Variants in DMBT1 observed in about 807,000 individuals in gnomAD.
The protein encoded by DMBT1 is deleted in malignant brain tumors 1, also known as scavenger receptor cysteine-rich domain-containing protein DMBT1.
A neutral mutation model predicts 252.9 loss-of-function variants in DMBT1; 198 were observed. That is an observed-to-expected ratio of 0.78 (90% CI 0.70 to 0.88). The LOEUF is 0.88. Among genes scored for constraint, DMBT1 ranks in the 40% least tolerant of loss-of-function variants. DMBT1 has a pLI of 0.00. For synonymous variants in DMBT1, 990 were observed against 942.7 expected (o/e 1.05, Z -0.92); for missense variants, 2,432 against 2,404.7 (o/e 1.01, Z -0.24).
intron 8 of DMBT1, among the ~76,000 whole-genome samples, chr10:122,578,458 G>C (rs991053883): frequency 6.6e-6 from 1 of 152,134 alleles, no homozygotes; most frequent in Non-Finnish European, 1.5e-5. Flanking sequence ...AGTGGATGGT[G>C]GGGGATGGGG....
In DMBT1 at chr10:122,572,133, C is replaced by T. The variant is rs575157370; in HGVS notation, c.188-181C>T. Among the ~76,000 whole-genome samples, 131 of 152,290 alleles carry T rather than the reference C, an allele frequency of 8.6e-4. 3 individuals carry two copies. In the South Asian group the frequency reaches 0.027, roughly 31 times the overall value. On this transcript the variant is annotated intron_variant, in intron 4 of 55. Coordinates refer to ENST00000338354, the MANE Select transcript of DMBT1 (RefSeq NM_001377530.1). Reference sequence around the variant, plus strand: ...AGAACAAAGGATGCTTGTGCGGCACCTTGGCCCAGCGTGGGACCAGTACAG... The same window carrying T: ...AGAACAAAGGATGCTTGTGCGGCACTTTGGCCCAGCGTGGGACCAGTACAG...
chr10:122,625,476 C>T (rs1283566301), intron 45 of DMBT1, among the ~76,000 whole-genome samples, 173 bp downstream of exon 45: 1 of 152,220 alleles, frequency 6.6e-6, no homozygotes, highest in African/African-American at 2.4e-5. Flanking sequence ...ACTCTCATGT[C>T]TGGTTCACCG....
chr10:122,567,276 T>C (rs2981771), intron 2 of DMBT1, among the ~76,000 whole-genome samples: 101,705 of 151,838 alleles, frequency 0.67, 34,414 homozygotes, highest in East Asian at 0.77. Context: ...CGCATTGCCC[T>C]GCTGCACCTC....
At chr10:122,575,188 A>T (rs2097701403) in intron 6 of DMBT1, among the ~76,000 whole-genome samples, 1 of 152,250 alleles carries the variant, frequency 6.6e-6, no homozygotes, top group Admixed American at 6.5e-5. Flanking sequence ...TCAATGTTGT[A>T]CTGGAGGTAG....
rs772201984 is a variant in DMBT1, at chr10:122,601,019, A to T, written c.3339A>T (p.Thr1113=). 2.2e-5 allele frequency: 21 copies of T among 971,046 alleles called. No homozygotes were observed. The highest frequency in any genetic ancestry group is 2.9e-5 in the Non-Finnish European group (18 of 620,550). 60.2% of individuals were successfully genotyped at this position (971,046 alleles called of 1,614,324 possible). A position where few individuals can be genotyped will look rare whatever the true frequency, so the allele number is the denominator to read the frequency against. The change falls in exon 28 of 56, where the codon ACA becomes ACT. Residue 1113 remains threonine (T), a synonymous_variant. Transcript: ENST00000338354. ...PDTWPTSHAS[T]AGSESSLALR... is the part of the protein sequence containing the mutation. The stretch of plus-strand genomic sequence containing the variant: ...CTTGGCCAACCTCACATGCATCAAC[A>T]GCAGGTAAATAATCCTCTCACCCCT...
chr10:122,579,428 C>T (rs551902683), intron 9 of DMBT1, 150 bp from the exon 10 acceptor site: 43 of 1,507,058 alleles, frequency 2.9e-5, no homozygotes, highest in Middle Eastern at 2.5e-4. Flanking sequence ...GCTACTTTCA[C>T]GGTGATGAAG....
chr10:122,590,330 G>A (rs2097839816), intron 17 of DMBT1, among the ~76,000 whole-genome samples: 1 of 149,100 alleles, frequency 6.7e-6, no homozygotes, highest in Admixed American at 6.6e-5. Flanking sequence ...GGCTGGGCTA[G>A]AAGATCACAG....
rs763688822 is a variant in DMBT1, at chr10:122,621,301, C to T, written c.5529C>T (p.Ser1843=). ...LDDVRCSGNE[S]YLWSCPHKGW... Reference sequence around the variant, plus strand: ...ATGTGCGCTGCTCAGGGAATGAGTCCTACCTGTGGAGCTGCCCCCACAAAG... The same window carrying T: ...ATGTGCGCTGCTCAGGGAATGAGTCTTACCTGTGGAGCTGCCCCCACAAAG... The change falls in exon 44 of 56, where the codon TCC becomes TCT. Residue 1843 remains serine, a synonymous_variant. Coordinates refer to ENST00000338354, the MANE Select transcript of DMBT1 (RefSeq NM_001377530.1). 4.3e-5 allele frequency: 70 copies of T among 1,613,702 alleles called. No homozygotes were observed. The highest frequency in any genetic ancestry group is 2.7e-4 in the Admixed American group (16 of 60,000).
At chr10:122,572,515 C>T (rs529487566) in intron 5 of DMBT1, among the ~76,000 whole-genome samples, 154 bp downstream of exon 5, 34 of 152,188 alleles carry the variant, frequency 2.2e-4, no homozygotes, top group Non-Finnish European at 3.5e-4. Context: ...TGTGTATGTG[C>T]AACTCTGAGT....
Position 122,594,196 on chromosome 10 carries a change from C to G in DMBT1, c.2531-300C>G, listed in dbSNP as rs1417041364. On this transcript the variant is annotated intron_variant, in intron 21 of 55. Coordinates refer to ENST00000338354, the MANE Select transcript of DMBT1 (RefSeq NM_001377530.1). Reference sequence around the variant, plus strand: ...AGTGTCCGAGCCTCAGCAATGGCGTCTGATGTCCTAGTCAGTCCATGCATC... The same window carrying G: ...AGTGTCCGAGCCTCAGCAATGGCGTGTGATGTCCTAGTCAGTCCATGCATC... Among the ~76,000 whole-genome samples, 3 of 141,350 alleles carry G rather than the reference C, an allele frequency of 2.1e-5. 1 individual carries two copies. The highest frequency in any genetic ancestry group is 4.8e-5 in the Non-Finnish European group (3 of 62,866). 92.7% of individuals were successfully genotyped at this position (141,350 alleles called of 152,430 possible). A position where few individuals can be genotyped will look rare whatever the true frequency, so the allele number is the denominator to read the frequency against.
chr10:122,634,449 TCTCTCTCTCTCTCTC>T (rs2098205903), intron 52 of DMBT1, among the ~76,000 whole-genome samples: 2 of 74,386 alleles, frequency 2.7e-5, no homozygotes, highest in Non-Finnish European at 4.7e-5. Context: ...TCTCTCTCTC[TCTCTCTCTCTCTCTC>T]TCTCTCTCTC....
chr10:122,632,003 C>G (rs913633763), intron 50 of DMBT1, 128 bp downstream of exon 50: 5 of 1,080,268 alleles, frequency 4.6e-6, no homozygotes, highest in Non-Finnish European at 5.6e-6. Context: ...TCTACAGCCC[C>G]TGTCCCCTCC....
rs754318659 is a variant in DMBT1, at chr10:122,640,195, C to T, written c.7098C>T (p.His2366=). Reference sequence around the variant, plus strand: ...TGTACATTGCTAATGACACCATCCACGTTGCTAATAACACCATCCAGGTCG... The same window carrying T: ...TGTACATTGCTAATGACACCATCCATGTTGCTAATAACACCATCCAGGTCG... ...DTMYIANDTI[H]VANNTIQVEE... The change falls in exon 55 of 56, where the codon CAC becomes CAT. Residue 2366 remains histidine (H), a synonymous_variant. Transcript: ENST00000338354. 8.1e-6 allele frequency: 13 copies of T among 1,613,970 alleles called. No homozygotes were observed. The highest frequency in any genetic ancestry group is 2.7e-5 in the African/African-American group (2 of 74,954).
rs775274238 is a variant in DMBT1 at position 122,573,759 on chromosome 10, G to C, written c.280G>C (p.Glu94Gln). The C allele has an allele frequency of 8.1e-6, 13 of 1,613,824 alleles. No individual in the cohort carries two copies. Among genetic ancestry groups the C allele is most frequent in the Admixed American group, 3.3e-5 (2 of 60,024 alleles). The stretch of plus-strand genomic sequence containing the variant: ...GTCAACCCTGGAGTCAACTGTAGCA[G>C]AAGGTAACGTCTACTATGGGGGATC... Reference protein sequence around the residue: ...SESTLESTVAEGSDSGLALRL... With the variant: ...SESTLESTVAQGSDSGLALRL... The change falls in exon 6 of 56, where the codon GAA (glutamate) becomes CAA (glutamine). Residue 94 changes from glutamate (E) to glutamine (Q), a missense_variant. Coordinates refer to ENST00000338354, the MANE Select transcript of DMBT1 (RefSeq NM_001377530.1).
In DMBT1 at chr10:122,599,116, G is replaced by C. The variant is rs761410109; in HGVS notation, c.3280+19G>C. 2.5e-6 allele frequency: 4 copies of C among 1,613,792 alleles called. No individual in the cohort carries two copies. The highest frequency in any genetic ancestry group is 1.1e-5 in the South Asian group (1 of 91,052). On this transcript the variant is annotated intron_variant, in intron 26 of 55. Coordinates refer to ENST00000338354, the MANE Select transcript of DMBT1 (RefSeq NM_001377530.1). ...TGCTCAGGTGGGCCTTCAAGAACTT[G>C]GGATCACTCTCTTGGGGTGGAGTTT... is the stretch of plus-strand genomic sequence containing the variant.
In DMBT1 at chr10:122,590,553, G is replaced by C. The variant is rs1299601598; in HGVS notation, c.2108-112G>C. ...TGCATGGCAATGCCCCTCCCTCTGTGATGGGGACATAGGGTGGACTGAAGG... is the reference window on the plus strand; with the variant it reads ...TGCATGGCAATGCCCCTCCCTCTGTCATGGGGACATAGGGTGGACTGAAGG... On this transcript the variant is annotated intron_variant, in intron 17 of 55. Coordinates refer to ENST00000338354, the MANE Select transcript of DMBT1 (RefSeq NM_001377530.1). 14 of 1,301,984 alleles carry C rather than the reference G, an allele frequency of 1.1e-5. 4 individuals carry two copies. In the East Asian group the frequency reaches 3.2e-4, roughly 30 times the overall value. 80.7% of individuals were successfully genotyped at this position (1,301,984 alleles called of 1,614,324 possible).
intron 52 of DMBT1, among the ~76,000 whole-genome samples, chr10:122,635,458 AG>A (rs2098218987): frequency 6.6e-6 from 1 of 152,200 alleles, no homozygotes; most frequent in East Asian, 1.9e-4. Flanking sequence ...GTGATTGCAA[AG>A]GGCAGGACTA....
In DMBT1 at chr10:122,586,295, G is replaced by A. The variant is rs975332713; in HGVS notation, c.1695G>A (p.Gly565=). The A allele has an allele frequency of 1.4e-5, 22 of 1,588,556 alleles. No individual in the cohort carries two copies. Among genetic ancestry groups the A allele is most frequent in the African/African-American group, 5.4e-5 (4 of 74,514 alleles). The change falls in exon 16 of 56, where the codon GGG becomes GGA. Residue 565 remains glycine, a synonymous_variant. Coordinates refer to ENST00000338354, the MANE Select transcript of DMBT1 (RefSeq NM_001377530.1). ...TCCTGGATGACGTGCGCTGCTCAGG[G>A]AATGAGTCCTACTTGTGGAGCTGCC... The part of the protein sequence containing the change: ...PIVLDDVRCS[G]NESYLWSCPH...
At chr10:122,579,496 GAA>G in intron 9 of DMBT1, 80 bp from the exon 10 acceptor site, 2 of 1,601,776 alleles carry the variant, frequency 1.2e-6, no homozygotes, top group East Asian at 4.5e-5. Context: ...AGTTCATTAG[GAA>G]GTACCCTGAG....
Sources: gnomAD v4.1 joint callset for allele counts (sites outside exome capture counted in the v4.1 genomes callset) on GRCh38, gnomAD v4.1.1 for gene constraint, MANE v1.5 for transcripts, NCBI Gene and HGNC (gene_info 2026-07-23, HGNC 2026-07-21) for gene names.